The following RPS6KC1 variants were observed in gnomAD, a reference collection of about 807,000 sequenced individuals.
The protein encoded by RPS6KC1 is inactive ribosomal protein S6 kinase delta-1.
Under a neutral mutation model 103.8 loss-of-function variants are expected in RPS6KC1, and 54 were observed. The observed-to-expected ratio is 0.52, with a 90% CI of 0.42 to 0.65. The LOEUF is 0.65. RPS6KC1 is among the 30% of genes least tolerant of loss of function. The pLI is 0.00. For missense variants in RPS6KC1, 1,151 were observed against 1,253.8 expected (o/e 0.92, Z 1.24); for synonymous variants, 439 against 438.7 (o/e 1.00, Z -0.01).
intron 4 of RPS6KC1, among the ~76,000 whole-genome samples, chr1:213,114,054 G>T (rs974583482): frequency 2.0e-5 from 3 of 151,870 alleles, no homozygotes; most frequent in Admixed American, 6.6e-5. Flanking sequence ...CTCTTTTTTG[G>T]TTCCATATGA....
At chr1:213,124,399 A>G (rs1036795942) in intron 5 of RPS6KC1, among the ~76,000 whole-genome samples, 11 of 152,144 alleles carry the variant, frequency 7.2e-5, no homozygotes, top group South Asian at 2.1e-4. Context: ...CTTATCCACA[A>G]TGTCCTTCCT....
At chr1:213,519,644 C>T in the RPS6KC1 span, among the ~76,000 whole-genome samples, 3 of 152,146 alleles carry the variant, frequency 2.0e-5, no homozygotes, top group African/African-American at 7.2e-5. Flanking sequence ...CCACCCCTCC[C>T]CACAGCCAGA....
chr1:213,139,274 T>G (rs1399597776), intron 6 of RPS6KC1, among the ~76,000 whole-genome samples: 1 of 152,088 alleles, frequency 6.6e-6, no homozygotes, highest in Non-Finnish European at 1.5e-5. Flanking sequence ...AGTTTGCAAA[T>G]ATTTTATCCT....
At chr1:213,326,827 A>T in the RPS6KC1 span, among the ~76,000 whole-genome samples, 1 of 152,216 alleles carries the variant, frequency 6.6e-6, no homozygotes, top group Non-Finnish European at 1.5e-5. Context: ...AATAGCTGGT[A>T]GTTTGGCCTC....
At chr1:213,689,276 G>A in the RPS6KC1 span, among the ~76,000 whole-genome samples, 1 of 152,164 alleles carries the variant, frequency 6.6e-6, no homozygotes, top group African/African-American at 2.4e-5. Flanking sequence ...GTATCCCAAA[G>A]GTCCCTTCTC....
the RPS6KC1 span, among the ~76,000 whole-genome samples, chr1:213,361,783 A>G: frequency 2.0e-5 from 3 of 152,202 alleles, no homozygotes; most frequent in East Asian, 5.8e-4. Flanking sequence ...CTATGATGAC[A>G]ACTTGGAGAG....
intron 1 of RPS6KC1, among the ~76,000 whole-genome samples, chr1:213,056,910 T>C (rs2077376606): frequency 6.6e-6 from 1 of 151,302 alleles, no homozygotes; most frequent in Admixed American, 6.6e-5. Context: ...TCCTCCGTTA[T>C]CATAATGTAC....
intron 1 of RPS6KC1, among the ~76,000 whole-genome samples, chr1:213,065,701 G>C (rs1345633836): frequency 6.6e-6 from 1 of 152,204 alleles, no homozygotes; most frequent in African/African-American, 2.4e-5. Context: ...TTATAATGCA[G>C]TTGCGTAGGA....
the RPS6KC1 span, among the ~76,000 whole-genome samples, chr1:213,428,527 T>TTCCTTCCTTCCTTCCTTCCTTCCTTC: frequency 8.7e-6 from 1 of 114,940 alleles, no homozygotes; most frequent in African/African-American, 3.5e-5. Context: ...CCTCTTTCTC[T>TTCCTTCCTTCCTTCCTTCCTTCCTTC]CTCTCTCTCT....
At chr1:213,574,172 T>C in the RPS6KC1 span, among the ~76,000 whole-genome samples, 1 of 152,222 alleles carries the variant, frequency 6.6e-6, no homozygotes, top group Non-Finnish European at 1.5e-5. Flanking sequence ...TCTGGGGCAG[T>C]GCTGGCATCC....
chr1:213,700,944 T>C, the RPS6KC1 span, among the ~76,000 whole-genome samples: 4 of 152,034 alleles, frequency 2.6e-5, no homozygotes, highest in Non-Finnish European at 4.4e-5. Flanking sequence ...TAAGTTCTAA[T>C]AGTTTTCTTG....
the RPS6KC1 span, among the ~76,000 whole-genome samples, chr1:213,801,867 A>G: frequency 9.2e-5 from 14 of 152,244 alleles, no homozygotes; most frequent in African/African-American, 3.1e-4. Context: ...AGAGAATGGA[A>G]CAACTTGGAG....
the RPS6KC1 span, among the ~76,000 whole-genome samples, chr1:213,469,712 T>G: frequency 6.6e-6 from 1 of 152,138 alleles, no homozygotes; most frequent in Non-Finnish European, 1.5e-5. Context: ...CAAACAAACT[T>G]TAGTTTTAAA....
At chr1:213,223,620 C>T (rs978692333) in intron 8 of RPS6KC1, among the ~76,000 whole-genome samples, 2 of 152,124 alleles carry the variant, frequency 1.3e-5, no homozygotes, top group African/African-American at 4.8e-5. Flanking sequence ...TCGCTGGGCA[C>T]TTAGGTTGGT....
chr1:213,602,350 C>T, the RPS6KC1 span, among the ~76,000 whole-genome samples: 1 of 148,654 alleles, frequency 6.7e-6, no homozygotes, highest in East Asian at 2.0e-4. Flanking sequence ...TCTCCTGTCT[C>T]AGCCTCCCGA....
the RPS6KC1 span, among the ~76,000 whole-genome samples, chr1:213,738,830 A>C: frequency 1.4e-5 from 2 of 147,438 alleles, no homozygotes; most frequent in Non-Finnish European, 3.0e-5. Flanking sequence ...CCCAGCCTCT[A>C]CTCTAAAAAA....
the RPS6KC1 span, among the ~76,000 whole-genome samples, chr1:213,662,945 G>A: frequency 2.0e-5 from 3 of 152,260 alleles, no homozygotes; most frequent in South Asian, 2.1e-4. Flanking sequence ...TACAGCATCC[G>A]AGAAGTGTTC....
At chr1:213,183,671 T>C (rs969493420) in intron 8 of RPS6KC1, among the ~76,000 whole-genome samples, 19 of 152,076 alleles carry the variant, frequency 1.2e-4, no homozygotes, top group African/African-American at 4.3e-4. Context: ...GAGAAACTTA[T>C]AACACTAAAT....
chr1:213,127,240 C>T (rs557681050), intron 5 of RPS6KC1, among the ~76,000 whole-genome samples: 341 of 152,238 alleles, frequency 2.2e-3, no homozygotes, highest in African/African-American at 8.0e-3. Flanking sequence ...GACATTTGCC[C>T]TGATGATGCA....
Sources: gnomAD v4.1 joint callset for allele counts (sites outside exome capture counted in the v4.1 genomes callset) on GRCh38, gnomAD v4.1.1 for gene constraint, MANE v1.5 for transcripts, NCBI Gene and HGNC (gene_info 2026-07-23, HGNC 2026-07-21) for gene names.